TSPEAR: variants seen among roughly 807,000 people sequenced by gnomAD.
The protein encoded by TSPEAR is thrombospondin-type laminin G domain and EAR repeat-containing protein.
A neutral mutation model predicts 71.6 loss-of-function variants in TSPEAR; 69 were observed. The ratio of observed to expected loss-of-function variants is 0.96; its 90% CI spans 0.79 to 1.18. The LOEUF (loss-of-function observed/expected upper bound fraction) is 1.18. Among genes scored for constraint, TSPEAR ranks in the 50% most tolerant of loss-of-function variants. The pLI is 0.00. For synonymous variants in TSPEAR, 402 were observed against 387.2 expected, an observed-to-expected ratio of 1.04 and a Z score of -0.45; for missense variants, 971 against 894.9, an observed-to-expected ratio of 1.09 and a Z score of -1.09.
chr21:44,637,968 G>A (rs781853976), intron 1 of TSPEAR: 2 of 1,614,008 alleles, frequency 1.2e-6, no homozygotes, highest in Non-Finnish European at 1.7e-6. Context: ...GCCTCCTGCT[G>A]CAGACCCTCC....
At chr21:44,514,307 G>T (rs2052489559) in intron 9 of TSPEAR, among the ~76,000 whole-genome samples, 1 of 152,196 alleles carries the variant, frequency 6.6e-6, no homozygotes, top group Non-Finnish European at 1.5e-5. Flanking sequence ...CCCCAGAGTG[G>T]CCCCCACTGT....
chr21:44,625,495 G>A (rs782600763), intron 1 of TSPEAR, among the ~76,000 whole-genome samples: 10 of 152,280 alleles, frequency 6.6e-5, no homozygotes, highest in Admixed American at 3.3e-4. Context: ...TGATTGAAGC[G>A]TATCATAAAG....
chr21:44,551,215 G>A, intron 2 of TSPEAR: 2 of 1,587,890 alleles, frequency 1.3e-6, no homozygotes, highest in Non-Finnish European at 1.7e-6. Context: ...CAGCTAGACT[G>A]CTGGCAGCAC....
chr21:44,539,399 C>T (rs782794878), intron 2 of TSPEAR: 3 of 1,601,790 alleles, frequency 1.9e-6, no homozygotes, highest in African/African-American at 2.7e-5. Context: ...AGGGGCACAG[C>T]AGGAGGAGAC....
chr21:44,646,932 G>A, intron 1 of TSPEAR: 1 of 1,610,436 alleles, frequency 6.2e-7, no homozygotes, highest in Non-Finnish European at 8.5e-7. Context: ...TGTGCTGTGT[G>A]TCCACCTGCT....
At chr21:44,586,109 T>C (rs1248265171) in intron 1 of TSPEAR, among the ~76,000 whole-genome samples, 1 of 152,258 alleles carries the variant, frequency 6.6e-6, no homozygotes, top group Non-Finnish European at 1.5e-5. Flanking sequence ...CTGGCCTGCC[T>C]GGCTCTCCTG....
At chr21:44,549,905 CT>C (rs1212898010) in intron 2 of TSPEAR, among the ~76,000 whole-genome samples, 1 of 152,236 alleles carries the variant, frequency 6.6e-6, no homozygotes, top group African/African-American at 2.4e-5. Flanking sequence ...GAGGGCGCCC[CT>C]GAGCGTATGT....
chr21:44,586,845 A>G (rs9979056), intron 1 of TSPEAR, among the ~76,000 whole-genome samples: 2,036 of 152,334 alleles, frequency 0.013, 57 homozygotes, highest in African/African-American at 0.046. Flanking sequence ...CAGCATCTCT[A>G]TGATTAAAAC....
At chr21:44,626,362 G>T (rs1466585551) in intron 1 of TSPEAR, among the ~76,000 whole-genome samples, 1 of 152,220 alleles carries the variant, frequency 6.6e-6, no homozygotes, top group African/African-American at 2.4e-5. Flanking sequence ...GTGTGATGGG[G>T]CCTGTGGGCA....
intron 1 of TSPEAR, chr21:44,658,301 C>T (rs371639570): frequency 3.1e-6 from 5 of 1,598,290 alleles, no homozygotes; most frequent in Non-Finnish European, 4.3e-6. Flanking sequence ...GGGGTACACA[C>T]CTGTATCCCT....
In TSPEAR at chr21:44,531,104, AG is replaced by A. The variant is rs1569168047; in HGVS notation, c.571del (p.Leu191CysfsTer3). 1.4e-5 allele frequency: 22 copies of A among 1,613,816 alleles called. No individual in the cohort carries two copies. The highest frequency in any genetic ancestry group is 1.8e-5 in the Non-Finnish European group (21 of 1,179,952). On this transcript the variant is annotated frameshift_variant, in exon 4 of 12. Coordinates refer to ENST00000323084, the MANE Select transcript of TSPEAR (RefSeq NM_144991.3). LOFTEE classifies it high-confidence loss of function. ...IMADVPFPATLSVKGARFFVG... is the reference protein window; with the variant it reads ...IMADVPFPATXSVKGARFFVG... ...GAAGAATCGAGCTCCTTTCACTGACAGGGTGGCTGGGAAGGGCACATCGGCC... is the reference window on the plus strand; with the variant it reads ...GAAGAATCGAGCTCCTTTCACTGACAGGTGGCTGGGAAGGGCACATCGGCC...
In TSPEAR at chr21:44,599,134, T is replaced by TCTCTC. The variant is rs1980573681; in HGVS notation, c.83-31130_83-31129insGAGAG. The stretch of plus-strand genomic sequence containing the variant: ...CCATATGGAAGCAGAGGCCCCCATT[T>TCTCTC]TCTCTCTCTCTCTCTCTCTCTCTCT... On this transcript the variant is annotated intron_variant, in intron 1 of 11. Transcript: ENST00000323084. Among the ~76,000 whole-genome samples the TCTCTC allele has an allele frequency of 2.8e-4, 26 of 92,342 alleles. 1 individual carries two copies. Among genetic ancestry groups the TCTCTC allele is most frequent in the African/African-American group, 8.2e-4 (25 of 30,336 alleles). 60.6% of individuals were successfully genotyped at this position (92,342 alleles called of 152,430 possible). A position where few individuals can be genotyped will look rare whatever the true frequency, so the allele number is the denominator to read the frequency against.
intron 1 of TSPEAR, chr21:44,638,203 C>G: frequency 6.3e-7 from 1 of 1,578,304 alleles, no homozygotes; most frequent in East Asian, 2.2e-5. Flanking sequence ...GAGTCCCTTC[C>G]CACCAGGGGC....
intron 1 of TSPEAR, chr21:44,575,441 T>C: frequency 5.0e-6 from 1 of 199,542 alleles, no homozygotes. Context: ...TGCACAACCC[T>C]CTGCTGTCCT....
chr21:44,506,810 A>G lies in TSPEAR; in HGVS notation c.1755-1929T>C, dbSNP rs951382534. ...CGAGGAAGACAAGCGGCCACGTCGG[A>G]TGTACCAGTGGTGGAAGATCCTGTC... On this transcript the variant is annotated intron_variant, in intron 10 of 11. Transcript: ENST00000323084. This position sits in a 1 kb window ranked among gnomAD's most constrained non-coding sequence, Gnocchi z 4.2. 6.6e-6 allele frequency: 1 copy of G among 152,158 alleles called. No homozygotes were observed. Among genetic ancestry groups the G allele is most frequent in the Non-Finnish European group, 1.5e-5 (1 of 68,036 alleles). 9.4% of individuals were successfully genotyped at this position (152,158 alleles called of 1,614,324 possible). A position where few individuals can be genotyped will look rare whatever the true frequency, so the allele number is the denominator to read the frequency against.
intron 1 of TSPEAR, chr21:44,575,065 A>C: frequency 6.6e-7 from 1 of 1,526,534 alleles, no homozygotes; most frequent in Non-Finnish European, 8.9e-7. Context: ...CTCAGGTCCC[A>C]CCTGAAAGCT....
At chr21:44,639,470 A>T (rs1461033836) in intron 1 of TSPEAR, among the ~76,000 whole-genome samples, 2 of 152,216 alleles carry the variant, frequency 1.3e-5, no homozygotes, top group African/African-American at 4.8e-5. Flanking sequence ...CTCGAGGCAG[A>T]TCACCCAGGA....
chr21:44,574,848 C>A (rs782520124), intron 1 of TSPEAR: 1 of 1,613,842 alleles, frequency 6.2e-7, no homozygotes, highest in Non-Finnish European at 8.5e-7. Context: ...CGTGTCCCTC[C>A]TCTGCCGCCC....
chr21:44,622,207 C>A (rs1982480639), intron 1 of TSPEAR, among the ~76,000 whole-genome samples: 1 of 152,226 alleles, frequency 6.6e-6, no homozygotes, highest in Non-Finnish European at 1.5e-5. Flanking sequence ...AAAGTAACAA[C>A]ACATCTGCTG....
Sources: gnomAD v4.1 joint callset for allele counts (sites outside exome capture counted in the v4.1 genomes callset) on GRCh38, gnomAD v4.1.1 for gene constraint, Gnocchi (gnomAD v3.1) non-coding constraint, MANE v1.5 for transcripts, NCBI Gene and HGNC (gene_info 2026-07-23, HGNC 2026-07-21) for gene names.